Variants in ATRNL1 observed in about 807,000 individuals in gnomAD.
ATRNL1 encodes attractin like 1.
In ATRNL1, 95 loss-of-function variants were observed where a neutral mutation model predicts 182.7. The observed-to-expected ratio is 0.52, with a 90% CI of 0.44 to 0.62. The LOEUF is 0.62. ATRNL1 is among the 20% of genes least tolerant of loss of function. The probability of loss-of-function intolerance (pLI) is 0.00; values close to 1 mark genes in which losing one functional copy is unlikely to be tolerated. For synonymous variants in ATRNL1, 576 were observed against 568.3 expected (o/e 1.01, Z -0.19); for missense variants, 1,471 against 1,679.5 (o/e 0.88, Z 2.17).
At chr10:115,207,112 G>A (rs77453734) in intron 8 of ATRNL1, among the ~76,000 whole-genome samples, 1 of 151,952 alleles carries the variant, frequency 6.6e-6, no homozygotes, top group South Asian at 2.1e-4. Flanking sequence ...GGTTTGTTCC[G>A]AGTCTTTGCT....
chr10:115,523,835 A>G (rs1358124443), intron 25 of ATRNL1, among the ~76,000 whole-genome samples: 1 of 152,176 alleles, frequency 6.6e-6, no homozygotes, highest in Non-Finnish European at 1.5e-5. Flanking sequence ...TTACATTTTT[A>G]GGTGTCTTTA....
chr10:115,589,664 T>A (rs1855786169), intron 26 of ATRNL1, among the ~76,000 whole-genome samples: 1 of 152,200 alleles, frequency 6.6e-6, no homozygotes, highest in African/African-American at 2.4e-5. Context: ...TCTGTCTTTT[T>A]AGCAATAATT....
At chr10:115,645,517 A>T (rs1016164693) in intron 26 of ATRNL1, among the ~76,000 whole-genome samples, 25 of 148,448 alleles carry the variant, frequency 1.7e-4, no homozygotes, top group East Asian at 5.9e-4. Flanking sequence ...AATATAAAAA[A>T]ATATATATCC....
chr10:115,596,491 C>G (rs1555014016), intron 26 of ATRNL1, among the ~76,000 whole-genome samples: 1 of 152,170 alleles, frequency 6.6e-6, no homozygotes, highest in African/African-American at 2.4e-5. Flanking sequence ...TTATGGTAAA[C>G]ACAATGACAT....
intron 25 of ATRNL1, among the ~76,000 whole-genome samples, chr10:115,528,884 C>T (rs372954816): frequency 6.6e-6 from 1 of 152,070 alleles, no homozygotes; most frequent in Non-Finnish European, 1.5e-5. Flanking sequence ...AACCATTGAT[C>T]AAATGTGTGT....
chr10:115,915,412 T>A (rs12248674), intron 28 of ATRNL1, among the ~76,000 whole-genome samples: 44,091 of 150,182 alleles, frequency 0.29, 8,449 homozygotes, highest in African/African-American at 0.56. Flanking sequence ...AAAAAAAAAA[T>A]TTTTTTTGAC....
chr10:115,421,091 T>C (rs556995632), intron 20 of ATRNL1, among the ~76,000 whole-genome samples: 2 of 152,296 alleles, frequency 1.3e-5, no homozygotes, highest in African/African-American at 4.8e-5. Flanking sequence ...ACCTGACAGC[T>C]TCATTGCTAA....
At chr10:115,438,836 T>A (rs1554965179) in intron 21 of ATRNL1, among the ~76,000 whole-genome samples, 1 of 151,858 alleles carries the variant, frequency 6.6e-6, no homozygotes, top group Non-Finnish European at 1.5e-5. Flanking sequence ...AAGAATGAAA[T>A]ATGCCATTTT....
intron 26 of ATRNL1, among the ~76,000 whole-genome samples, chr10:115,709,126 T>G (rs2134013077): frequency 6.6e-6 from 1 of 151,966 alleles, no homozygotes; most frequent in South Asian, 2.1e-4. Flanking sequence ...CAGTTAAATG[T>G]TCAGGTCTAT....
At chr10:115,787,103 A>G (rs1949415718) in intron 27 of ATRNL1, among the ~76,000 whole-genome samples, 3 of 152,220 alleles carry the variant, frequency 2.0e-5, no homozygotes, top group African/African-American at 7.2e-5. Flanking sequence ...ATGGTCTGCC[A>G]TGGTTACCTA....
chr10:115,616,583 C>G (rs2133792205), intron 26 of ATRNL1, among the ~76,000 whole-genome samples: 1 of 152,286 alleles, frequency 6.6e-6, no homozygotes, highest in East Asian at 1.9e-4. Context: ...AGCCCAGAGG[C>G]CTAAGAGGAA....
chr10:115,597,750 G>C (rs1372379581), intron 26 of ATRNL1: 16 of 434,904 alleles, frequency 3.7e-5, no homozygotes, highest in Non-Finnish European at 4.6e-6. Flanking sequence ...GTTTCACCAT[G>C]TTGGCCAGAC....
At chr10:115,646,722 T>C (rs571953429) in intron 26 of ATRNL1, among the ~76,000 whole-genome samples, 1 of 152,058 alleles carries the variant, frequency 6.6e-6, no homozygotes, top group Non-Finnish European at 1.5e-5. Flanking sequence ...TATTCATGTA[T>C]GTGTATTAGG....
intron 27 of ATRNL1, among the ~76,000 whole-genome samples, chr10:115,828,745 T>G (rs1396491915): frequency 1.3e-5 from 2 of 152,204 alleles, no homozygotes; most frequent in Non-Finnish European, 2.9e-5. Context: ...ACCTTCATAA[T>G]AGTCTATTAA....
chr10:115,271,950 C>T (rs1554913256), intron 13 of ATRNL1, among the ~76,000 whole-genome samples: 2 of 152,140 alleles, frequency 1.3e-5, no homozygotes, highest in African/African-American at 2.4e-5. Flanking sequence ...GCTTGGGCCA[C>T]CCGCTTGTTG....
intron 24 of ATRNL1, among the ~76,000 whole-genome samples, chr10:115,511,026 A>G (rs532074916): frequency 1.3e-5 from 2 of 152,148 alleles, no homozygotes; most frequent in South Asian, 4.1e-4. Context: ...TTTATAAACA[A>G]TATCCAAGGA....
Position 115,356,771 on chromosome 10 carries a change from T to C in ATRNL1, c.3175+22352T>C, listed in dbSNP as rs181833668. On this transcript the variant is annotated intron_variant, in intron 19 of 28. Transcript: ENST00000355044. Reference sequence around the variant, plus strand: ...ACTTTGACTAAGCATTACTTCAACTTTTGCTATTTGAATAGTGATTTTTAG... The same window carrying C: ...ACTTTGACTAAGCATTACTTCAACTCTTGCTATTTGAATAGTGATTTTTAG... Among the ~76,000 whole-genome samples the C allele has an allele frequency of 2.5e-3, 376 of 151,994 alleles. 4 individuals carry two copies. Among genetic ancestry groups the C allele is most frequent in the Non-Finnish European group, 3.9e-3 (263 of 67,858 alleles).
At chr10:115,636,222 C>A (rs1858861881) in intron 26 of ATRNL1, among the ~76,000 whole-genome samples, 1 of 152,100 alleles carries the variant, frequency 6.6e-6, no homozygotes. Context: ...GGAGATAAAC[C>A]TTGGTAGCCT....
intron 18 of ATRNL1, among the ~76,000 whole-genome samples, chr10:115,320,411 T>G (rs1854522464): frequency 6.6e-6 from 1 of 152,166 alleles, no homozygotes; most frequent in Non-Finnish European, 1.5e-5. Context: ...TGATGTTCTC[T>G]GTATTTCCTG....
Sources: gnomAD v4.1 joint callset for allele counts (sites outside exome capture counted in the v4.1 genomes callset) on GRCh38, gnomAD v4.1.1 for gene constraint, MANE v1.5 for transcripts, NCBI Gene and HGNC (gene_info 2026-07-23, HGNC 2026-07-21) for gene names.